PARG: variants seen among roughly 807,000 people sequenced by gnomAD.
PARG encodes mitochondrial poly(ADP-ribose) glycohydrolase.
In PARG, 35 loss-of-function variants were observed where a neutral mutation model predicts 113.0. The ratio of observed to expected loss-of-function variants is 0.31; its 90% CI spans 0.24 to 0.41. The LOEUF is 0.41. PARG is among the 10% of genes least tolerant of loss of function. The pLI is 1.00. For synonymous variants in PARG, 330 were observed against 409.9 expected (o/e 0.81, Z 2.36); for missense variants, 797 against 1,169.4 (o/e 0.68, Z 4.64).
chr10:49,859,861 C>A (rs1846173735), intron 12 of PARG, among the ~76,000 whole-genome samples: 3 of 152,066 alleles, frequency 2.0e-5, no homozygotes, highest in Non-Finnish European at 2.9e-5. Context: ...CAATAAAGAC[C>A]CTCTACAACA....
chr10:49,856,072 T>A (rs1172525661), intron 13 of PARG, among the ~76,000 whole-genome samples: 1 of 149,670 alleles, frequency 6.7e-6, no homozygotes, highest in Non-Finnish European at 1.5e-5. Flanking sequence ...CAAAAAAAAA[T>A]TAAATCTCTA....
Position 49,888,171 on chromosome 10 carries a change from T to C in PARG, c.1738-2876A>G, listed in dbSNP as rs564005847. 1.2e-4 allele frequency among the ~76,000 whole-genome samples: 19 copies of C among 152,240 alleles called. 1 individual carries two copies. In the East Asian group the frequency reaches 3.7e-3, roughly 29 times the overall value. On this transcript the variant is annotated intron_variant, in intron 7 of 17. Coordinates refer to ENST00000616448, the MANE Select transcript of PARG (RefSeq NM_003631.5). ...CTTTAAATTCCTTTACCCTTCTCCA[T>C]TTATAATCTTCAATATTTCCTCTAC...
intron 7 of PARG, among the ~76,000 whole-genome samples, chr10:49,892,169 T>C (rs1847839457): frequency 1.3e-5 from 2 of 152,148 alleles, no homozygotes; most frequent in South Asian, 4.2e-4. Context: ...TTGCTCAATT[T>C]CGTATTTTTT....
intron 4 of PARG, 75 bp downstream of exon 4, chr10:49,932,025 T>C (rs1200008686): frequency 3.5e-6 from 3 of 847,218 alleles, no homozygotes; most frequent in Non-Finnish European, 5.9e-6. Flanking sequence ...CCTTGGTCTG[T>C]TTCTCACTTA....
chr10:49,887,911 T>C (rs1199178792), intron 7 of PARG, among the ~76,000 whole-genome samples: 1 of 152,220 alleles, frequency 6.6e-6, no homozygotes, highest in Non-Finnish European at 1.5e-5. Flanking sequence ...TGTTGAAACT[T>C]AAATCTGTTA....
intron 16 of PARG, among the ~76,000 whole-genome samples, chr10:49,821,100 C>T (rs2132339210): frequency 6.6e-6 from 1 of 152,200 alleles, no homozygotes; most frequent in East Asian, 1.9e-4. Flanking sequence ...CTGGCCACTG[C>T]AGAACTCCCG....
intron 12 of PARG, 141 bp from the exon 13 acceptor site, chr10:49,857,594 G>T (rs1554835302): frequency 1.7e-6 from 1 of 588,278 alleles, no homozygotes; most frequent in African/African-American, 1.9e-5. Flanking sequence ...AGGAAGGGCA[G>T]ATTTTGGTTG....
At chr10:49,909,703 G>C (rs1554845738) in intron 7 of PARG, 2 of 158,490 alleles carry the variant, frequency 1.3e-5, no homozygotes, top group Non-Finnish European at 2.9e-5. Flanking sequence ...TTTTAAAATA[G>C]AAGGTGCTTA....
At chr10:49,825,491 C>T (rs782808224) in intron 16 of PARG, among the ~76,000 whole-genome samples, 2 of 152,092 alleles carry the variant, frequency 1.3e-5, no homozygotes, top group Non-Finnish European at 2.9e-5. Context: ...CAGTTGTTGC[C>T]CCTATACAGA....
Position 49,842,021 on chromosome 10 carries a change from T to C in PARG, c.2470A>G (p.Ile824Val). The change falls in exon 15 of 18, where the codon ATC becomes GTC. Residue 824 changes from isoleucine (I) to valine (V), a missense_variant. Around this residue, in one of 5 missense-constraint regions of PARG, gnomAD observed 194 missense variants for 247.1 expected, o/e 0.79. Transcript: ENST00000616448. ...WQRRCTEIVA[I>V]DALHFRRYLD... is the part of the protein sequence containing the mutation. Reference sequence around the variant, plus strand: ...TAGCGTCTGAAGTGAAGAGCATCGATGGCAACGATCTCAGTGCAGCGCCGC... The same window carrying C: ...TAGCGTCTGAAGTGAAGAGCATCGACGGCAACGATCTCAGTGCAGCGCCGC... The C allele has an allele frequency of 6.4e-7, 1 of 1,550,534 alleles. No individual in the cohort carries two copies. Among genetic ancestry groups the C allele is most frequent in the Non-Finnish European group, 8.7e-7 (1 of 1,146,912 alleles).
intron 7 of PARG, among the ~76,000 whole-genome samples, chr10:49,906,792 T>C (rs2813020): frequency 6.7e-6 from 1 of 150,268 alleles, no homozygotes; most frequent in African/African-American, 2.5e-5. Flanking sequence ...AAGGAGATAT[T>C]TACAGGGAGG....
chr10:49,832,595 A>G (rs1335749341), intron 16 of PARG, among the ~76,000 whole-genome samples: 2 of 152,230 alleles, frequency 1.3e-5, no homozygotes, highest in Admixed American at 6.5e-5. Context: ...CTGGGGGATC[A>G]AAGTGATAAG....
chr10:49,933,147 A>G (rs1209835044), intron 3 of PARG, 30 bp downstream of exon 3: 18 of 1,447,464 alleles, frequency 1.2e-5, no homozygotes, highest in African/African-American at 8.4e-5. Flanking sequence ...ATATTATGCT[A>G]TTGGAGAGAT....
At chr10:49,940,169 G>A (rs1838956902) in intron 1 of PARG, among the ~76,000 whole-genome samples, 1 of 151,292 alleles carries the variant, frequency 6.6e-6, no homozygotes. Context: ...ATTCTTTCAT[G>A]AATCCATCCC....
intron 16 of PARG, 102 bp downstream of exon 16, chr10:49,832,701 T>TA: frequency 1.7e-6 from 1 of 584,230 alleles, no homozygotes; most frequent in Non-Finnish European, 3.1e-6. Context: ...CCTTTTCTCT[T>TA]AGATTTTTGT....
intron 16 of PARG, among the ~76,000 whole-genome samples, chr10:49,828,290 A>C (rs1554829764): frequency 1.3e-5 from 2 of 152,180 alleles, no homozygotes; most frequent in Non-Finnish European, 2.9e-5. Flanking sequence ...TAACAGGAGA[A>C]AGAGGTGGTC....
intron 10 of PARG, chr10:49,867,056 A>G (rs548969122): frequency 1.5e-4 from 23 of 152,268 alleles, no homozygotes; most frequent in Non-Finnish European, 8.8e-5. Flanking sequence ...CATCTTTTAT[A>G]ATGGAGGTAT....
At chr10:49,920,463 A>ATATATATATAT (rs1554848910) in intron 6 of PARG, among the ~76,000 whole-genome samples, 3 of 47,984 alleles carry the variant, frequency 6.3e-5, no homozygotes, top group Non-Finnish European at 1.7e-4. Context: ...AAAAAAAAAA[A>ATATATATATAT]ATATATATAT....
intron 15 of PARG, among the ~76,000 whole-genome samples, chr10:49,835,633 G>A (rs1381801326): frequency 4.6e-5 from 7 of 152,102 alleles, no homozygotes; most frequent in East Asian, 1.9e-4. Context: ...AGGAAAGAAG[G>A]AAAGAAAACG....
Sources: gnomAD v4.1 joint callset for allele counts (sites outside exome capture counted in the v4.1 genomes callset) on GRCh38, gnomAD v4.1.1 for gene constraint, gnomAD v4.1.1 regional missense constraint, MANE v1.5 for transcripts, NCBI Gene and HGNC (gene_info 2026-07-23, HGNC 2026-07-21) for gene names.